Variants in ARB2A observed in about 807,000 individuals in gnomAD.
ARB2A encodes ARB2 cotranscriptional regulator A.
chr5:93,947,626 A>T, the ARB2A span, among the ~76,000 whole-genome samples: 1 of 147,342 alleles, frequency 6.8e-6, no homozygotes, highest in African/African-American at 2.5e-5. Context: ...TTAACTCGTC[A>T]TTTAGCATTA....
At chr5:93,799,369 C>T in the ARB2A span, among the ~76,000 whole-genome samples, 1 of 152,038 alleles carries the variant, frequency 6.6e-6, no homozygotes, top group African/African-American at 2.4e-5. Context: ...GGTCCTCTTT[C>T]AAGACTCTTA....
the ARB2A span, among the ~76,000 whole-genome samples, chr5:93,927,981 A>G: frequency 6.6e-6 from 1 of 151,860 alleles, no homozygotes; most frequent in Non-Finnish European, 1.5e-5. Flanking sequence ...CAATTCTAAA[A>G]TCAACATTAC....
At chr5:93,997,150 CCA>C in the ARB2A span, among the ~76,000 whole-genome samples, 1 of 151,998 alleles carries the variant, frequency 6.6e-6, no homozygotes, top group Non-Finnish European at 1.5e-5. Flanking sequence ...GCTTTTATTT[CCA>C]GTTATCAATA....
At chr5:93,960,458 T>C in the ARB2A span, among the ~76,000 whole-genome samples, 1 of 152,176 alleles carries the variant, frequency 6.6e-6, no homozygotes, top group African/African-American at 2.4e-5. Flanking sequence ...CAAATGTGTT[T>C]ATTCACGGCC....
At chr5:93,985,756 G>A in the ARB2A span, among the ~76,000 whole-genome samples, 2 of 152,186 alleles carry the variant, frequency 1.3e-5, no homozygotes, top group Non-Finnish European at 2.9e-5. Context: ...GTGCAGTGGC[G>A]TGATCTCGGC....
At chr5:93,683,459 A>C in the ARB2A span, 1 of 1,598,058 alleles carries the variant, frequency 6.3e-7, no homozygotes, top group South Asian at 1.1e-5. Flanking sequence ...CCCAAGGGAA[A>C]CTGTTGGCTG....
the ARB2A span, among the ~76,000 whole-genome samples, chr5:93,800,430 C>CAAAG: frequency 6.6e-6 from 1 of 150,648 alleles, no homozygotes; most frequent in Non-Finnish European, 1.5e-5. Flanking sequence ...CACACGCACA[C>CAAAG]AAAGATACAG....
chr5:93,629,125 C>T, the ARB2A span, among the ~76,000 whole-genome samples: 12 of 152,024 alleles, frequency 7.9e-5, no homozygotes, highest in Admixed American at 6.6e-5. Context: ...TATTAATTGG[C>T]CTAATTTCAA....
the ARB2A span, chr5:93,881,410 ATAT>A: frequency 8.1e-7 from 1 of 1,239,202 alleles, no homozygotes; most frequent in Non-Finnish European, 1.1e-6. Context: ...AACAATCTAC[ATAT>A]AATAAAATAT....
At chr5:94,037,975 C>T in the ARB2A span, among the ~76,000 whole-genome samples, 1 of 151,990 alleles carries the variant, frequency 6.6e-6, no homozygotes, top group Admixed American at 6.5e-5. Flanking sequence ...TAAGTGTGAT[C>T]CTATCCATCA....
the ARB2A span, among the ~76,000 whole-genome samples, chr5:94,039,116 AG>A: frequency 2.0e-5 from 3 of 152,228 alleles, no homozygotes; most frequent in African/African-American, 7.2e-5. Context: ...TCTGTTTTCT[AG>A]GAACTGTGGA....
chr5:93,760,138 C>T, the ARB2A span, among the ~76,000 whole-genome samples: 17 of 152,252 alleles, frequency 1.1e-4, no homozygotes, highest in African/African-American at 4.1e-4. Flanking sequence ...AACTCAACCC[C>T]TTTTAAAATA....
the ARB2A span, among the ~76,000 whole-genome samples, chr5:93,876,659 A>C: frequency 6.6e-6 from 1 of 152,044 alleles, no homozygotes; most frequent in African/African-American, 2.4e-5. Flanking sequence ...GATACTAGAG[A>C]AAAGAAAATC....
chr5:93,987,725 T>C, the ARB2A span, among the ~76,000 whole-genome samples: 1 of 152,188 alleles, frequency 6.6e-6, no homozygotes, highest in Non-Finnish European at 1.5e-5. Flanking sequence ...TCAGTTGTTC[T>C]CATATTTTCC....
At chr5:94,013,370 G>C in the ARB2A span, among the ~76,000 whole-genome samples, 1 of 151,974 alleles carries the variant, frequency 6.6e-6, no homozygotes, top group Admixed American at 6.6e-5. Context: ...TAGAGACGGA[G>C]TTTCACCATC....
At chr5:93,913,334 T>C in the ARB2A span, among the ~76,000 whole-genome samples, 1 of 151,996 alleles carries the variant, frequency 6.6e-6, no homozygotes, top group Non-Finnish European at 1.5e-5. Flanking sequence ...TTCACAGAAC[T>C]ATCAGCATCA....
chr5:93,797,099 T>A, the ARB2A span, among the ~76,000 whole-genome samples: 2,201 of 152,192 alleles, frequency 0.014, 28 homozygotes, highest in Non-Finnish European at 0.023. Context: ...ATATCCACCC[T>A]AATGGAAAAT....
chr5:93,873,145 C>T, the ARB2A span, among the ~76,000 whole-genome samples: 2 of 151,596 alleles, frequency 1.3e-5, no homozygotes, highest in South Asian at 2.1e-4. Context: ...ATCTCCTGTG[C>T]GTCAGGTGTG....
At chr5:93,740,554 C>A in the ARB2A span, 3 of 1,567,854 alleles carry the variant, frequency 1.9e-6, no homozygotes, top group African/African-American at 4.1e-5. Flanking sequence ...CCAACCGTGC[C>A]GTGAAGGGCA....
Sources: allele counts gnomAD v4.1 joint callset (sites outside exome capture counted in the v4.1 genomes callset), GRCh38; gene constraint gnomAD v4.1.1; transcripts MANE v1.5; gene names NCBI Gene and HGNC (gene_info 2026-07-23, HGNC 2026-07-21).